Variants in GTF2IRD1 observed in about 807,000 individuals in gnomAD.
GTF2IRD1 encodes the protein GTF2I repeat domain containing 1, also known as general transcription factor II-I repeat domain-containing protein 1.
In GTF2IRD1, 26 loss-of-function variants were observed where a neutral mutation model predicts 113.2. The observed-to-expected ratio is 0.23, with a 90% confidence interval of 0.17 to 0.32. The LOEUF is 0.32. Ranked by LOEUF, GTF2IRD1 falls within the 10% of genes least tolerant of loss-of-function variation. The probability of loss-of-function intolerance (pLI) is 1.00; values close to 1 mark genes in which losing one functional copy is unlikely to be tolerated. For synonymous variants in GTF2IRD1, 484 were observed against 529.1 expected, an observed-to-expected ratio of 0.91 and a Z score of 1.17; for missense variants, 864 against 1,280.8, an observed-to-expected ratio of 0.67 and a Z score of 4.97.
intron 1 of GTF2IRD1, among the ~76,000 whole-genome samples, chr7:74,487,187 C>T (rs1795078266): frequency 6.6e-6 from 1 of 152,094 alleles, no homozygotes; most frequent in Non-Finnish European, 1.5e-5. Context: ...TACAGGCACC[C>T]AACACCATGC....
Position 74,501,796 on chromosome 7 carries a change from C to A in GTF2IRD1, c.-6-6279C>A, listed in dbSNP as rs182764407. ...CCACCTGAGTAGCTGGGACTACAGG[C>A]ACCTACCACAGTGCCTGGCTAATTT... On this transcript the variant is annotated intron_variant, in intron 1 of 26. Coordinates refer to ENST00000424337, the MANE Select transcript of GTF2IRD1 (RefSeq NM_005685.4). Among the ~76,000 whole-genome samples the A allele has an allele frequency of 1.6e-4, 24 of 152,254 alleles. No homozygotes were observed. In the East Asian group the frequency reaches 4.6e-3, roughly 29 times the overall value.
In GTF2IRD1 at chr7:74,601,084, C is replaced by G. The variant is rs1584001291; in HGVS notation, c.2670C>G (p.Val890=). The part of the protein sequence containing the change: ...SSIPKRKRKR[V]SEGNSVSSSS... ...TTCCCAAGCGCAAGAGAAAGCGGGT[C>G]TCGGAAGGAAATTCCGTCTCCTCTT... Residue 890 remains valine (V), a synonymous_variant, in exon 26 of 27, where the codon GTC becomes GTG. Coordinates refer to ENST00000424337, the MANE Select transcript of GTF2IRD1 (RefSeq NM_005685.4). 1 of 1,614,180 alleles carries G rather than the reference C, an allele frequency of 6.2e-7. No individual in the cohort carries two copies. The highest frequency in any genetic ancestry group is 1.1e-5 in the South Asian group (1 of 91,088).
At chr7:74,521,121 C>A in intron 6 of GTF2IRD1, 87 bp from the exon 7 acceptor site, 1 of 745,838 alleles carries the variant, frequency 1.3e-6, no homozygotes, top group South Asian at 1.5e-5. Flanking sequence ...GCTGTTACCC[C>A]AGAGCCAGGG....
At chr7:74,493,830 C>T (rs1229759198) in intron 1 of GTF2IRD1, among the ~76,000 whole-genome samples, 1 of 151,992 alleles carries the variant, frequency 6.6e-6, no homozygotes, top group Non-Finnish European at 1.5e-5. Context: ...GGGATCCTCC[C>T]ATCTCAGCCT....
intron 1 of GTF2IRD1, among the ~76,000 whole-genome samples, chr7:74,496,583 T>C (rs1795737975): frequency 6.7e-6 from 1 of 148,976 alleles, no homozygotes; most frequent in East Asian, 2.0e-4. Context: ...GGTGTGCATG[T>C]GTGTGGGTGG....
intron 15 of GTF2IRD1, among the ~76,000 whole-genome samples, chr7:74,545,319 A>G (rs1554352910): frequency 1.3e-5 from 2 of 151,960 alleles, no homozygotes; most frequent in African/African-American, 4.8e-5. Flanking sequence ...AGAGGAGAGA[A>G]TTGTCACTTC....
At chr7:74,466,434 G>A (rs1793714541) in intron 1 of GTF2IRD1, among the ~76,000 whole-genome samples, 1 of 152,130 alleles carries the variant, frequency 6.6e-6, no homozygotes, top group South Asian at 2.1e-4. Flanking sequence ...GGTTCCCGTG[G>A]CTCCTGGAAA....
At chr7:74,532,748 A>G (rs1410695909) in intron 9 of GTF2IRD1, among the ~76,000 whole-genome samples, 1 of 152,084 alleles carries the variant, frequency 6.6e-6, no homozygotes, top group African/African-American at 2.4e-5. Context: ...TGAAAACAGA[A>G]GTCACCGTCA....
chr7:74,502,683 G>A (rs369716351), intron 1 of GTF2IRD1, among the ~76,000 whole-genome samples: 38 of 152,324 alleles, frequency 2.5e-4, no homozygotes, highest in African/African-American at 7.7e-4. Context: ...CTCAGGGTCC[G>A]GGCAGGCCTC....
At chr7:74,482,578 C>T (rs145913378) in intron 1 of GTF2IRD1, among the ~76,000 whole-genome samples, 59 of 152,156 alleles carry the variant, frequency 3.9e-4, no homozygotes, top group Non-Finnish European at 7.1e-4. Context: ...AGAGAAACAC[C>T]TTGATAACTG....
At chr7:74,576,432 G>A (rs587686027) in intron 22 of GTF2IRD1, among the ~76,000 whole-genome samples, 18 of 148,134 alleles carry the variant, frequency 1.2e-4, no homozygotes, top group East Asian at 4.2e-4. Flanking sequence ...GTGGTGGTGC[G>A]CACTTGTAAT....
intron 24 of GTF2IRD1, among the ~76,000 whole-genome samples, 199 bp downstream of exon 24, chr7:74,591,216 G>A (rs1375746850): frequency 7.2e-5 from 11 of 151,812 alleles, no homozygotes; most frequent in African/African-American, 2.7e-4. Context: ...TATTACATTT[G>A]TTCTCTGGGG....
chr7:74,459,336 T>TA (rs1554328429), intron 1 of GTF2IRD1, among the ~76,000 whole-genome samples: 4 of 151,932 alleles, frequency 2.6e-5, no homozygotes, highest in African/African-American at 9.7e-5. Context: ...CGGGCGCCTG[T>TA]AATCCCAACT....
chr7:74,575,131 T>C (rs1402974549), intron 22 of GTF2IRD1, among the ~76,000 whole-genome samples: 2 of 152,086 alleles, frequency 1.3e-5, no homozygotes, highest in Non-Finnish European at 2.9e-5. Flanking sequence ...TCACGGAGCC[T>C]ACATGGTGGG....
intron 1 of GTF2IRD1, among the ~76,000 whole-genome samples, chr7:74,461,845 C>T (rs1554329365): frequency 6.6e-6 from 1 of 152,178 alleles, no homozygotes; most frequent in African/African-American, 2.4e-5. Context: ...TCCCGGAGTG[C>T]TGGGATTACA....
chr7:74,474,446 G>C (rs1300377596), intron 1 of GTF2IRD1, among the ~76,000 whole-genome samples: 1 of 152,164 alleles, frequency 6.6e-6, no homozygotes, highest in Non-Finnish European at 1.5e-5. Context: ...GCAAATATTT[G>C]TGTGTGAATC....
chr7:74,587,847 G>C (rs1324749272), intron 22 of GTF2IRD1, among the ~76,000 whole-genome samples: 1 of 152,104 alleles, frequency 6.6e-6, no homozygotes, highest in Non-Finnish European at 1.5e-5. Flanking sequence ...GCACACCAGG[G>C]CTCAAGCAGC....
rs567187886 is a variant in GTF2IRD1 at position 74,494,941 on chromosome 7, T to TG, written c.-6-13128dup. 3.1e-3 allele frequency among the ~76,000 whole-genome samples: 468 copies of TG among 152,174 alleles called. 3 individuals carry two copies. Among genetic ancestry groups the TG allele is most frequent in the South Asian group, 5.0e-3 (24 of 4,802 alleles). ...TAATTTTAAATTTTTTTTGTAGAGA[T>TG]GGGGGGTCTCACTATGTTACCCAGT... On this transcript the variant is annotated intron_variant, in intron 1 of 26. Coordinates refer to ENST00000424337, the MANE Select transcript of GTF2IRD1 (RefSeq NM_005685.4).
At chr7:74,529,254 T>C (rs1797820856) in intron 8 of GTF2IRD1, among the ~76,000 whole-genome samples, 1 of 151,758 alleles carries the variant, frequency 6.6e-6, no homozygotes, top group Non-Finnish European at 1.5e-5. Flanking sequence ...CACTGGACAT[T>C]TTTTATTTTT....
Sources: allele counts gnomAD v4.1 joint callset (sites outside exome capture counted in the v4.1 genomes callset), GRCh38; gene constraint gnomAD v4.1.1; transcripts MANE v1.5; gene names NCBI Gene and HGNC (gene_info 2026-07-23, HGNC 2026-07-21).